The following TSC22D1 variants were observed in gnomAD, a reference collection of about 807,000 sequenced individuals.
TSC22D1 encodes TSC22 domain family protein 1.
In TSC22D1, 9 loss-of-function variants were observed where a neutral mutation model predicts 74.2. The observed-to-expected ratio is 0.12, with a 90% CI of 0.07 to 0.21. The LOEUF (loss-of-function observed/expected upper bound fraction) is 0.21. Among genes scored for constraint, TSC22D1 ranks in the 10% least tolerant of loss-of-function variants. TSC22D1 has a pLI of 1.00. For missense variants in TSC22D1, 1,427 were observed against 1,304.7 expected, an observed-to-expected ratio of 1.09 and a Z score of -1.44; for synonymous variants, 586 against 492.5, an observed-to-expected ratio of 1.19 and a Z score of -2.51.
At chr13:44,560,774 C>T (rs1026725047) in intron 1 of TSC22D1, among the ~76,000 whole-genome samples, 13 of 152,208 alleles carry the variant, frequency 8.5e-5, no homozygotes, top group African/African-American at 2.9e-4. Flanking sequence ...TATTCTTACA[C>T]CCATGATTCC....
At chr13:44,487,930 C>T (rs762964728) in intron 1 of TSC22D1, among the ~76,000 whole-genome samples, 21 of 151,956 alleles carry the variant, frequency 1.4e-4, no homozygotes, top group South Asian at 2.1e-4. Flanking sequence ...TGGTGGTGCA[C>T]GCCTGTAATC....
At chr13:44,543,620 CTT>C (rs1881618906) in intron 1 of TSC22D1, among the ~76,000 whole-genome samples, 1 of 152,204 alleles carries the variant, frequency 6.6e-6, no homozygotes, top group Admixed American at 6.5e-5. Flanking sequence ...AGCAGTGTGT[CTT>C]TTATCTCTAG....
chr13:44,477,753 C>G (rs1877988657), intron 1 of TSC22D1, among the ~76,000 whole-genome samples: 1 of 151,936 alleles, frequency 6.6e-6, no homozygotes, highest in South Asian at 2.1e-4. Flanking sequence ...AGTGATTCTC[C>G]TGCCTCGGCC....
At chr13:44,468,627 T>C (rs1447752287) in intron 1 of TSC22D1, among the ~76,000 whole-genome samples, 1 of 149,790 alleles carries the variant, frequency 6.7e-6, no homozygotes, top group East Asian at 1.9e-4. Flanking sequence ...TTGAGGTAGC[T>C]GGTATTTAAT....
At chr13:44,505,899 T>C (rs1260324432) in intron 1 of TSC22D1, among the ~76,000 whole-genome samples, 2 of 152,242 alleles carry the variant, frequency 1.3e-5, no homozygotes, top group African/African-American at 4.8e-5. Flanking sequence ...GAAATCTCTC[T>C]AGTACTGGGC....
chr13:44,574,468 G>A lies in TSC22D1; in HGVS notation c.1607C>T (p.Pro536Leu). Residue 536 changes from proline to leucine, a missense_variant, in exon 1 of 3, where the codon CCA (proline) becomes CTA (leucine). Transcript: ENST00000458659. ...GATCTGTGACTGAGAAATACTCTGT[G>A]GTATACTAACTGCTGGAATACTCTG... Reference protein sequence around the residue: ...GPQSIPAVSIPQSISQSQISQ... With the variant: ...GPQSIPAVSILQSISQSQISQ... The A allele has an allele frequency of 6.2e-7, 1 of 1,613,940 alleles. No individual in the cohort carries two copies. Among genetic ancestry groups the A allele is most frequent in the African/African-American group, 1.3e-5 (1 of 74,964 alleles).
chr13:44,475,112 G>T (rs189147224), intron 1 of TSC22D1, among the ~76,000 whole-genome samples: 1 of 152,058 alleles, frequency 6.6e-6, no homozygotes, highest in Non-Finnish European at 1.5e-5. Context: ...CAAGTGAAAG[G>T]AATAAAAGCA....
At chr13:44,456,057 G>A (rs1005544998) in intron 1 of TSC22D1, among the ~76,000 whole-genome samples, 1 of 152,150 alleles carries the variant, frequency 6.6e-6, no homozygotes, top group Non-Finnish European at 1.5e-5. Flanking sequence ...CTGAATAACT[G>A]AGCAATTGTA....
At chr13:44,548,420 A>C (rs1881975110) in intron 1 of TSC22D1, among the ~76,000 whole-genome samples, 1 of 152,216 alleles carries the variant, frequency 6.6e-6, no homozygotes, top group Non-Finnish European at 1.5e-5. Flanking sequence ...CAAATAAATA[A>C]ATACTTAGTG....
intron 1 of TSC22D1, among the ~76,000 whole-genome samples, chr13:44,571,092 C>G (rs1376300153): frequency 6.6e-6 from 1 of 152,102 alleles, no homozygotes; most frequent in African/African-American, 2.4e-5. Flanking sequence ...GTTAACTAAC[C>G]AAGGCCCAAA....
At chr13:44,468,796 GCA>G (rs921705823) in intron 1 of TSC22D1, among the ~76,000 whole-genome samples, 1 of 149,740 alleles carries the variant, frequency 6.7e-6, no homozygotes, top group Non-Finnish European at 1.5e-5. Context: ...TATGCTAAAT[GCA>G]CAGAAATAGT....
intron 1 of TSC22D1, among the ~76,000 whole-genome samples, chr13:44,547,131 A>C (rs1881879478): frequency 1.3e-5 from 2 of 152,166 alleles, no homozygotes; most frequent in Non-Finnish European, 2.9e-5. Flanking sequence ...AATATAGAAC[A>C]AAACATCCTG....
rs1874231220 is a variant in TSC22D1, at chr13:44,433,499, C to G, written c.*1127G>C. The G allele has an allele frequency of 6.6e-6, 1 of 152,584 alleles. No individual in the cohort carries two copies. Among genetic ancestry groups the G allele is most frequent in the African/African-American group, 2.4e-5 (1 of 41,458 alleles). 9.5% of individuals were successfully genotyped at this position (152,584 alleles called of 1,614,324 possible). ...GTGGAAATGACTGCCATTATGTTAA[C>G]AGGGTCATATGAAAAACACTTGTTT... On this transcript the variant is annotated 3_prime_UTR_variant, in exon 3 of 3. Coordinates refer to ENST00000458659, the MANE Select transcript of TSC22D1 (RefSeq NM_183422.4).
chr13:44,457,293 G>T (rs937779316), intron 1 of TSC22D1, among the ~76,000 whole-genome samples: 2 of 152,076 alleles, frequency 1.3e-5, no homozygotes, highest in Admixed American at 6.5e-5. Flanking sequence ...CTATTCTTTC[G>T]CAAAGGATAA....
chr13:44,521,815 T>C (rs765116075), intron 1 of TSC22D1, among the ~76,000 whole-genome samples: 1 of 152,200 alleles, frequency 6.6e-6, no homozygotes, highest in Non-Finnish European at 1.5e-5. Context: ...AACTACAACT[T>C]TCTAACAGCA....
At chr13:44,537,188 T>C (rs901428416) in intron 1 of TSC22D1, 3 of 873,506 alleles carry the variant, frequency 3.4e-6, no homozygotes, top group Non-Finnish European at 4.1e-6. Context: ...AAAAAAATAG[T>C]TTATATTAAT....
chr13:44,466,763 G>T (rs919171703), intron 1 of TSC22D1, among the ~76,000 whole-genome samples: 1 of 150,502 alleles, frequency 6.6e-6, no homozygotes, highest in African/African-American at 2.4e-5. Context: ...GAATGAGACC[G>T]TGTCTCAAAA....
intron 2 of TSC22D1, 144 bp downstream of exon 2, chr13:44,435,900 G>C: frequency 1.1e-6 from 1 of 896,414 alleles, no homozygotes; most frequent in East Asian, 2.7e-5. Flanking sequence ...CTCCACGCTG[G>C]CCGAATGGAG....
At position 44,575,746 on chromosome 13, in the gene TSC22D1, C is replaced by G. The variant is rs533107162; in HGVS notation, c.329G>C (p.Gly110Ala). ...PGGTQMKKKS[G>A]FQITSVTPAQ... ...AGGAGTAACGCTAGTTATCTGGAAG[C>G]CACTTTTCTTTTTCATTTGAGTTCC... The change falls in exon 1 of 3, where the codon GGC becomes GCC. Residue 110 changes from glycine (G) to alanine (A), a missense_variant. Physicochemically the swap from Gly to Ala is moderately conservative, Grantham distance 60. This residue lies in a region of TSC22D1 where 1,343 missense variants were observed against 1,191.5 expected (regional missense o/e 1.13). Coordinates refer to ENST00000458659, the MANE Select transcript of TSC22D1 (RefSeq NM_183422.4). 3.7e-6 allele frequency: 6 copies of G among 1,614,204 alleles called. No individual in the cohort carries two copies. In the South Asian group the frequency reaches 5.5e-5, roughly 15 times the overall value.
Sources: allele counts gnomAD v4.1 joint callset (sites outside exome capture counted in the v4.1 genomes callset), GRCh38; gene constraint gnomAD v4.1.1; regional missense constraint gnomAD v4.1.1; transcripts MANE v1.5; gene names NCBI Gene and HGNC (gene_info 2026-07-23, HGNC 2026-07-21).